The following CLSTN2 variants were observed in gnomAD, a reference collection of about 807,000 sequenced individuals.
CLSTN2 encodes calsyntenin-2.
In CLSTN2, 48 loss-of-function variants were observed where a neutral mutation model predicts 101.2. The observed-to-expected ratio is 0.47, with a 90% confidence interval of 0.38 to 0.60. The LOEUF (loss-of-function observed/expected upper bound fraction) is 0.60. CLSTN2 is among the 20% of genes least tolerant of loss of function. CLSTN2 has a pLI of 0.00. For synonymous variants in CLSTN2, 481 were observed against 463.6 expected (o/e 1.04, Z -0.48); for missense variants, 1,160 against 1,238.2 (o/e 0.94, Z 0.95).
intron 2 of CLSTN2, among the ~76,000 whole-genome samples, chr3:140,257,644 A>G (rs926758025): frequency 3.6e-4 from 55 of 151,794 alleles, no homozygotes; most frequent in Non-Finnish European, 6.6e-4. Context: ...ATTTTTCCGT[A>G]TAATATTAAA....
intron 1 of CLSTN2, among the ~76,000 whole-genome samples, chr3:140,120,623 C>T (rs2107798988): frequency 6.6e-6 from 1 of 152,326 alleles, no homozygotes; most frequent in Admixed American, 6.5e-5. Flanking sequence ...ACCAGCCCCA[C>T]TTTGAATTTA....
chr3:140,183,824 CATTATT>C lies in CLSTN2; in HGVS notation c.232+7758_232+7763del, dbSNP rs143777992. On this transcript the variant is annotated intron_variant, in intron 2 of 16. Transcript: ENST00000458420. ...TTTAACAACAATCCTCTGAAATAGG[CATTATT>C]ATTATTTTATAGGAGAGACCGATGT... Among the ~76,000 whole-genome samples the C allele has an allele frequency of 2.7e-3, 412 of 152,236 alleles. 4 individuals are homozygous for C. The highest frequency in any genetic ancestry group is 9.3e-3 in the African/African-American group (385 of 41,544).
chr3:140,011,096 G>A (rs2007064043), intron 1 of CLSTN2, among the ~76,000 whole-genome samples: 1 of 152,200 alleles, frequency 6.6e-6, no homozygotes, highest in Non-Finnish European at 1.5e-5. Context: ...TCAGCAGGCA[G>A]GTTGCTTCCA....
intron 10 of CLSTN2, among the ~76,000 whole-genome samples, chr3:140,552,891 A>G (rs562225185): frequency 6.6e-6 from 1 of 152,330 alleles, no homozygotes; most frequent in South Asian, 2.1e-4. Flanking sequence ...AGAGGAGCAG[A>G]AAAACCTTTT....
chr3:140,150,130 T>C (rs1192015870), intron 1 of CLSTN2, among the ~76,000 whole-genome samples: 4 of 152,236 alleles, frequency 2.6e-5, no homozygotes, highest in Non-Finnish European at 5.9e-5. Context: ...AATGCACTAC[T>C]ACTTCCTTTT....
chr3:140,485,173 C>T (rs1934210425), intron 8 of CLSTN2, among the ~76,000 whole-genome samples: 1 of 152,206 alleles, frequency 6.6e-6, no homozygotes, highest in Non-Finnish European at 1.5e-5. Flanking sequence ...TTCCTTCTAA[C>T]AGTGAGGACC....
At chr3:140,125,734 C>T (rs1242484689) in intron 1 of CLSTN2, among the ~76,000 whole-genome samples, 2 of 152,086 alleles carry the variant, frequency 1.3e-5, no homozygotes, top group African/African-American at 4.8e-5. Flanking sequence ...TCACTGTTTA[C>T]GTGTTCTCCA....
In CLSTN2 at chr3:140,566,249, A is replaced by C; in HGVS notation, c.2864A>C (p.Tyr955Ser). 6.4e-7 allele frequency: 1 copy of C among 1,562,880 alleles called. No individual in the cohort carries two copies. Among genetic ancestry groups the C allele is most frequent in the Non-Finnish European group, 8.7e-7 (1 of 1,153,584 alleles). Residue 955 changes from tyrosine (Y) to serine (S), a missense_variant, in exon 17 of 17, where the codon TAC becomes TCC. By Grantham distance (144) the Tyr-to-Ser change is moderately radical. Coordinates refer to ENST00000458420, the MANE Select transcript of CLSTN2 (RefSeq NM_022131.3). ...GAGTGGGATGACTCCACCCTCCCCT[A>C]CTAGTGCCCAGGGGTCTGCTGCCTG... ...QLEWDDSTLPY is the reference protein window; with the variant it reads ...QLEWDDSTLPS
At chr3:140,015,306 T>C (rs2007179171) in intron 1 of CLSTN2, among the ~76,000 whole-genome samples, 1 of 152,210 alleles carries the variant, frequency 6.6e-6, no homozygotes, top group Admixed American at 6.5e-5. Context: ...GTAAACATCC[T>C]TGACAAGACA....
At chr3:140,558,059 A>G (rs926429828) in intron 11 of CLSTN2, among the ~76,000 whole-genome samples, 2 of 152,246 alleles carry the variant, frequency 1.3e-5, no homozygotes, top group African/African-American at 4.8e-5. Context: ...GAGCCAGGCC[A>G]TGGATCCTTG....
chr3:140,038,536 G>A (rs2007703324), intron 1 of CLSTN2, among the ~76,000 whole-genome samples: 1 of 151,922 alleles, frequency 6.6e-6, no homozygotes, highest in Admixed American at 6.6e-5. Context: ...TGCAGACGCT[G>A]TTTAGTTTAA....
chr3:139,983,503 C>A (rs1049414291), intron 1 of CLSTN2, among the ~76,000 whole-genome samples: 8 of 152,052 alleles, frequency 5.3e-5, no homozygotes, highest in African/African-American at 1.9e-4. Flanking sequence ...ACCTTAAAGC[C>A]ATGAGAATCC....
intron 1 of CLSTN2, among the ~76,000 whole-genome samples, chr3:140,036,264 G>T (rs772862854): frequency 6.6e-6 from 1 of 151,048 alleles, no homozygotes; most frequent in Admixed American, 6.6e-5. Flanking sequence ...TTCTACTTAC[G>T]TTCTGTATCA....
chr3:140,153,465 C>G (rs371158492), intron 1 of CLSTN2, among the ~76,000 whole-genome samples: 1 of 152,236 alleles, frequency 6.6e-6, no homozygotes, highest in Non-Finnish European at 1.5e-5. Context: ...CTGGGGCAGG[C>G]CCTGCTCACT....
intron 8 of CLSTN2, among the ~76,000 whole-genome samples, chr3:140,524,324 G>C (rs1410475016): frequency 1.3e-5 from 2 of 152,196 alleles, no homozygotes; most frequent in Non-Finnish European, 2.9e-5. Flanking sequence ...CTCTGCTCAA[G>C]ATCCTGATTT....
At chr3:140,459,131 G>A (rs1489200001) in intron 6 of CLSTN2, among the ~76,000 whole-genome samples, 1 of 152,210 alleles carries the variant, frequency 6.6e-6, no homozygotes, top group East Asian at 1.9e-4. Flanking sequence ...GTGCTCAGTA[G>A]ATGGCTGGCA....
chr3:140,563,834 A>C, intron 15 of CLSTN2, 127 bp from the exon 16 acceptor site: 1 of 877,956 alleles, frequency 1.1e-6, no homozygotes, highest in Non-Finnish European at 1.8e-6. Flanking sequence ...GTACTGCTCT[A>C]GAGTTCTACA....
chr3:140,124,770 G>A (rs1213894086), intron 1 of CLSTN2, among the ~76,000 whole-genome samples: 2 of 152,158 alleles, frequency 1.3e-5, no homozygotes, highest in African/African-American at 4.8e-5. Flanking sequence ...ATTCAGGCCT[G>A]GGAATGAAAT....
rs189498014 is a variant in CLSTN2 at position 140,172,293 on chromosome 3, T to G, written c.110-3658T>G. Among the ~76,000 whole-genome samples the G allele has an allele frequency of 3.0e-4, 45 of 152,228 alleles. No individual in the cohort carries two copies. The East Asian group carries it at 6.6e-3, about 22-fold the overall frequency. On this transcript the variant is annotated intron_variant, in intron 1 of 16. Transcript: ENST00000458420. ...CAGTTAAGTAATCAGATTAATGTTT[T>G]AGAAAGATCACTCTTGATACCAGTG...
Sources: gnomAD v4.1 joint callset for allele counts (sites outside exome capture counted in the v4.1 genomes callset) on GRCh38, gnomAD v4.1.1 for gene constraint, MANE v1.5 for transcripts, NCBI Gene and HGNC (gene_info 2026-07-23, HGNC 2026-07-21) for gene names.